The following ACOXL variants were observed in gnomAD, a reference collection of about 807,000 sequenced individuals.
The protein encoded by ACOXL is acyl-coenzyme A oxidase-like protein.
ACOXL carries 70 observed loss-of-function variants against 71.9 expected under a neutral mutation model. That is an observed-to-expected ratio of 0.97 (90% CI 0.80 to 1.19). The LOEUF (loss-of-function observed/expected upper bound fraction) is 1.19, where lower values mean the gene tolerates loss of function less well. ACOXL is among the 50% of genes most tolerant of loss of function. The pLI is 0.00. For missense variants in ACOXL, 703 were observed against 736.3 expected, an observed-to-expected ratio of 0.95 and a Z score of 0.52; for synonymous variants, 253 against 281.6, an observed-to-expected ratio of 0.90 and a Z score of 1.02.
At chr2:110,935,109 G>T (rs2060613715) in intron 12 of ACOXL, among the ~76,000 whole-genome samples, 1 of 152,122 alleles carries the variant, frequency 6.6e-6, no homozygotes, top group African/African-American at 2.4e-5. Flanking sequence ...TCAGCAGGTG[G>T]GGGGTATGAC....
intron 11 of ACOXL, among the ~76,000 whole-genome samples, chr2:110,915,430 T>TATA (rs1558722338): frequency 7.5e-6 from 1 of 133,486 alleles, no homozygotes; most frequent in African/African-American, 3.3e-5. Context: ...ATATATATAT[T>TATA]TTTTTTTTTT....
intron 12 of ACOXL, chr2:110,963,482 T>C (rs2061782268): frequency 7.8e-6 from 10 of 1,276,956 alleles, no homozygotes; most frequent in East Asian, 2.8e-5. Flanking sequence ...AATATGATTG[T>C]TTACCTCTTT....
At chr2:111,003,047 A>C (rs1008423643) in intron 14 of ACOXL, among the ~76,000 whole-genome samples, 6 of 152,220 alleles carry the variant, frequency 3.9e-5, no homozygotes, top group Admixed American at 3.9e-4. Flanking sequence ...TTTCAGCATG[A>C]AATTAGAAGC....
At chr2:110,923,499 T>A (rs1430384034) in intron 11 of ACOXL, among the ~76,000 whole-genome samples, 1 of 152,160 alleles carries the variant, frequency 6.6e-6, no homozygotes, top group East Asian at 1.9e-4. Context: ...AGAGTATACA[T>A]CTTTAGGTGT....
At chr2:110,739,738 A>G (rs1677282077) in intron 1 of ACOXL, among the ~76,000 whole-genome samples, 1 of 152,330 alleles carries the variant, frequency 6.6e-6, no homozygotes, top group Admixed American at 6.5e-5. Context: ...CCACTTCCCA[A>G]GCATTTATAC....
chr2:110,993,836 G>C lies in ACOXL; in HGVS notation c.1170-2057G>C, dbSNP rs183070609. Among the ~76,000 whole-genome samples the C allele has an allele frequency of 3.9e-5, 6 of 152,298 alleles. No homozygotes were observed. In the East Asian group the frequency reaches 1.2e-3, roughly 29 times the overall value. ...GTAGTCATTCTGGTGGATGTATAAT[G>C]CTACCTCACTATGGTTTCCGTTTGC... On this transcript the variant is annotated intron_variant, in intron 13 of 17. Coordinates refer to ENST00000439055, the MANE Select transcript of ACOXL (RefSeq NM_001142807.4).
intron 9 of ACOXL, among the ~76,000 whole-genome samples, chr2:110,805,804 G>A (rs1686567457): frequency 6.6e-6 from 1 of 152,172 alleles, no homozygotes; most frequent in Admixed American, 6.5e-5. Context: ...TGTATAGGGT[G>A]TAACGTTCTC....
Position 110,793,922 on chromosome 2 carries a change from T to C in ACOXL, c.247-154T>C, listed in dbSNP as rs1420019160. The C allele has an allele frequency of 6.0e-6, 5 of 832,952 alleles. No individual in the cohort carries two copies. The Admixed American group carries it at 1.0e-4, about 17-fold the overall frequency. The allele number at this position is 832,952 out of a possible 1,614,324, so 51.6% of individuals were successfully genotyped here. On this transcript the variant is annotated intron_variant, in intron 4 of 17. Transcript: ENST00000439055. ...ATGTTGCATTGGGCCTGTCATGTTG[T>C]TAAGCTCACATTCGCTGTCATCAGA...
At chr2:110,849,367 A>G (rs1692315310) in intron 10 of ACOXL, among the ~76,000 whole-genome samples, 1 of 152,208 alleles carries the variant, frequency 6.6e-6, no homozygotes, top group Admixed American at 6.5e-5. Flanking sequence ...AGACATCCAC[A>G]TGAAATTGAT....
intron 16 of ACOXL, among the ~76,000 whole-genome samples, chr2:111,091,103 C>G (rs866375246): frequency 9.9e-5 from 15 of 152,206 alleles, no homozygotes; most frequent in Middle Eastern, 3.4e-3. Flanking sequence ...TTTTTCTTGG[C>G]TGAGGGTCAC....
intron 13 of ACOXL, among the ~76,000 whole-genome samples, chr2:110,988,216 T>C (rs1267360103): frequency 6.6e-6 from 1 of 152,226 alleles, no homozygotes; most frequent in Non-Finnish European, 1.5e-5. Context: ...GACAGAAGGA[T>C]TGCTCAAGCC....
chr2:111,115,654 T>A (rs1286159688), intron 17 of ACOXL: 1 of 152,208 alleles, frequency 6.6e-6, no homozygotes, highest in Admixed American at 6.5e-5. Flanking sequence ...GCCGGATCCG[T>A]CCATTGAGAC....
chr2:110,911,212 G>A (rs1237213700), intron 11 of ACOXL, among the ~76,000 whole-genome samples: 1 of 151,964 alleles, frequency 6.6e-6, no homozygotes, highest in Non-Finnish European at 1.5e-5. Context: ...ACCAATCACA[G>A]GATATTAGGT....
intron 13 of ACOXL, among the ~76,000 whole-genome samples, chr2:110,992,067 C>T (rs2063196032): frequency 6.6e-6 from 1 of 152,202 alleles, no homozygotes; most frequent in African/African-American, 2.4e-5. Flanking sequence ...TTGATTCCAT[C>T]ATTTTGGAAG....
intron 9 of ACOXL, among the ~76,000 whole-genome samples, chr2:110,832,523 C>A (rs1223859728): frequency 1.5e-5 from 2 of 134,176 alleles, no homozygotes; most frequent in African/African-American, 2.8e-5. Flanking sequence ...CCGGCCTGGG[C>A]GACAGAGCGA....
chr2:111,030,109 A>C (rs1447115719), intron 14 of ACOXL, among the ~76,000 whole-genome samples: 1 of 151,952 alleles, frequency 6.6e-6, no homozygotes, highest in Non-Finnish European at 1.5e-5. Context: ...ACAGTGTTTT[A>C]TTCTTCTCTG....
chr2:110,916,845 A>C (rs1319875715), intron 11 of ACOXL, among the ~76,000 whole-genome samples: 2 of 152,226 alleles, frequency 1.3e-5, no homozygotes, highest in East Asian at 3.8e-4. Context: ...ACACCCTCCC[A>C]AGTCTAAACC....
At chr2:110,746,213 T>G (rs1678176730) in intron 1 of ACOXL, among the ~76,000 whole-genome samples, 1 of 152,200 alleles carries the variant, frequency 6.6e-6, no homozygotes, top group Non-Finnish European at 1.5e-5. Context: ...ATTGCCGTCC[T>G]TCTCTTCATA....
rs78765511 is a variant in ACOXL at position 111,070,469 on chromosome 2, A to G, written c.1440+21181A>G. Among the ~76,000 whole-genome samples, 679 of 152,244 alleles carry G rather than the reference A, an allele frequency of 4.5e-3. 11 individuals are homozygous for G. The East Asian group carries it at 0.047, about 11-fold the overall frequency. ...AGTAGGAACACATGGACACATAGAGAGGAACAACAGACACTGGAGCCTACC... is the reference window on the plus strand; with the variant it reads ...AGTAGGAACACATGGACACATAGAGGGGAACAACAGACACTGGAGCCTACC... On this transcript the variant is annotated intron_variant, in intron 16 of 17. Transcript: ENST00000439055.
Sources: allele counts gnomAD v4.1 joint callset (sites outside exome capture counted in the v4.1 genomes callset), GRCh38; gene constraint gnomAD v4.1.1; transcripts MANE v1.5; gene names NCBI Gene and HGNC (gene_info 2026-07-23, HGNC 2026-07-21).